LPCAT1: variants seen among roughly 807,000 people sequenced by gnomAD.
LPCAT1 encodes the protein lysophosphatidylcholine acyltransferase 1.
LPCAT1 carries 23 observed loss-of-function variants against 60.9 expected under a neutral mutation model. The ratio of observed to expected loss-of-function variants is 0.38; its 90% confidence interval spans 0.27 to 0.53. LPCAT1 has a LOEUF of 0.53. Ranked by LOEUF, LPCAT1 falls within the 20% of genes least tolerant of loss-of-function variation. The pLI is 0.82. For missense variants in LPCAT1, 622 were observed against 723.6 expected, an observed-to-expected ratio of 0.86 and a Z score of 1.61; for synonymous variants, 340 against 301.1, an observed-to-expected ratio of 1.13 and a Z score of -1.34.
At chr5:1,500,956 G>A (rs1735982005) in intron 2 of LPCAT1, among the ~76,000 whole-genome samples, 1 of 152,290 alleles carries the variant, frequency 6.6e-6, no homozygotes, top group East Asian at 1.9e-4. Flanking sequence ...CAGGAGGCCT[G>A]TGTCACTGTG....
At position 1,512,390 on chromosome 5, in the gene LPCAT1, T is replaced by C. The variant is rs577764172; in HGVS notation, c.136-10787A>G. 3.9e-5 allele frequency among the ~76,000 whole-genome samples: 6 copies of C among 152,282 alleles called. No individual in the cohort carries two copies. The South Asian group carries it at 1.2e-3, about 32-fold the overall frequency. On this transcript the variant is annotated intron_variant, in intron 1 of 13. Coordinates refer to ENST00000283415, the MANE Select transcript of LPCAT1 (RefSeq NM_024830.5). ...CCCCGGCCCAAGAGCAGTCCCACAC[T>C]AGAGCCTCCCTCTCACTATCCCTGA...
rs574859992 is a variant in LPCAT1 at position 1,521,082 on chromosome 5, C to T, written c.135+2628G>A. On this transcript the variant is annotated intron_variant, in intron 1 of 13. Coordinates refer to ENST00000283415, the MANE Select transcript of LPCAT1 (RefSeq NM_024830.5). The surrounding 1 kb of genome is among the most constrained non-coding windows in gnomAD (Gnocchi z 4.3). ...TAAGATCCTGTACCATACCATTTAC[C>T]GCTCTCTACTAAATCTATATCCTTG... Among the ~76,000 whole-genome samples, 113 of 152,128 alleles carry T rather than the reference C, an allele frequency of 7.4e-4. No individual in the cohort carries two copies. The highest frequency in any genetic ancestry group is 1.1e-3 in the Non-Finnish European group (76 of 67,992).
intron 12 of LPCAT1, 79 bp from the exon 13 acceptor site, chr5:1,466,969 C>G (rs1411980339): frequency 1.8e-5 from 24 of 1,343,530 alleles, no homozygotes; most frequent in Non-Finnish European, 2.3e-5. Flanking sequence ...ACCCCAGCGG[C>G]CCTGCCCCGC....
intron 3 of LPCAT1, among the ~76,000 whole-genome samples, 157 bp from the exon 4 acceptor site, chr5:1,490,015 G>A (rs761745170): frequency 1.3e-5 from 2 of 152,244 alleles, no homozygotes; most frequent in Non-Finnish European, 2.9e-5. Context: ...CCTGACTGAG[G>A]GAACGGGAAC....
intron 2 of LPCAT1, among the ~76,000 whole-genome samples, chr5:1,500,581 G>A (rs565722739): frequency 5.3e-5 from 8 of 152,196 alleles, no homozygotes; most frequent in Non-Finnish European, 8.8e-5. Flanking sequence ...ATGCAGTCTC[G>A]GAGGGCGGGG....
chr5:1,515,573 C>A (rs1736484178), intron 1 of LPCAT1, among the ~76,000 whole-genome samples: 1 of 151,936 alleles, frequency 6.6e-6, no homozygotes, highest in Admixed American at 6.6e-5. Flanking sequence ...ACCCCCTGGC[C>A]TGCCCTGTAT....
Position 1,496,297 on chromosome 5 carries a change from G to A in LPCAT1, c.279-1383C>T, listed in dbSNP as rs984644062. ...AACTGCTTGAACCCAAGGGGCGGAG[G>A]TTGCAGTGAGCCGAGATTGCGCCAC... On this transcript the variant is annotated intron_variant, in intron 2 of 13. Coordinates refer to ENST00000283415, the MANE Select transcript of LPCAT1 (RefSeq NM_024830.5). The surrounding 1 kb of genome is among the most constrained non-coding windows in gnomAD (Gnocchi z 4.7). Among the ~76,000 whole-genome samples the A allele has an allele frequency of 2.0e-5, 3 of 152,000 alleles. No homozygotes were observed. The highest frequency in any genetic ancestry group is 4.8e-5 in the African/African-American group (2 of 41,380).
At chr5:1,509,184 C>T (rs1189438253) in intron 1 of LPCAT1, among the ~76,000 whole-genome samples, 2 of 152,390 alleles carry the variant, frequency 1.3e-5, no homozygotes, top group Non-Finnish European at 2.9e-5. Flanking sequence ...GCCGCGAGGC[C>T]GCGTCATCCC....
At chr5:1,514,089 G>A (rs1230490441) in intron 1 of LPCAT1, among the ~76,000 whole-genome samples, 2 of 152,228 alleles carry the variant, frequency 1.3e-5, no homozygotes, top group African/African-American at 4.8e-5. Flanking sequence ...ATGAGAACGG[G>A]GCCAGATGGG....
At chr5:1,506,715 AAG>A (rs1398876989) in intron 1 of LPCAT1, among the ~76,000 whole-genome samples, 1 of 152,206 alleles carries the variant, frequency 6.6e-6, no homozygotes, top group Non-Finnish European at 1.5e-5. Context: ...CTTCTAAGGA[AAG>A]GGGGCTGGCA....
intron 2 of LPCAT1, among the ~76,000 whole-genome samples, chr5:1,498,225 T>A (rs16878933): frequency 0.056 from 8,458 of 152,292 alleles, 341 homozygotes; most frequent in East Asian, 0.19. Context: ...CTACTTCAAA[T>A]TCAGTTTCCT....
Position 1,494,918 on chromosome 5 carries a change from CA to C in LPCAT1, c.279-5del. ...CTTCAGCAGGAAGTCCACAACCCTG[CA>C]AAAGAGGGCGCTGCGTCACGCGGGC... On this transcript the variant is annotated splice_polypyrimidine_tract_variant and splice_region_variant and intron_variant, in intron 2 of 13. Transcript: ENST00000283415. 1 of 1,596,890 alleles carries C rather than the reference CA, an allele frequency of 6.3e-7. No individual in the cohort carries two copies. Among genetic ancestry groups the C allele is most frequent in the East Asian group, 2.3e-5 (1 of 43,960 alleles).
At position 1,466,784 on chromosome 5, in the gene LPCAT1, G is replaced by A. The variant is rs769575480; in HGVS notation, c.1385C>T (p.Ala462Val). The A allele has an allele frequency of 2.5e-6, 4 of 1,612,622 alleles. No individual in the cohort carries two copies. The East Asian group carries it at 6.7e-5, about 27-fold the overall frequency. ...CTTCCCCTTCTCCTCTTGGTCAATG[G>A]CTCGGAATAGGTCGGTCACGGTGAG... is the stretch of plus-strand genomic sequence containing the variant. ...AELTVTDLFR[A>V]IDQEEKGKIT... The change falls in exon 13 of 14, where the codon GCC becomes GTC. Residue 462 changes from alanine (A) to valine (V), a missense_variant. Coordinates refer to ENST00000283415, the MANE Select transcript of LPCAT1 (RefSeq NM_024830.5).
In LPCAT1 at chr5:1,521,431, GGAA is replaced by G; in HGVS notation, c.135+2276_135+2278del. ...CTACTGGACCCATTTCTTTCTTTGG[GGAA>G]GAAGGCTTTCTTGGCTTGAAAGACA... On this transcript the variant is annotated intron_variant, in intron 1 of 13. Transcript: ENST00000283415. This position sits in a 1 kb window ranked among gnomAD's most constrained non-coding sequence, Gnocchi z 4.3. 3.0e-6 allele frequency: 3 copies of G among 985,340 alleles called. No individual in the cohort carries two copies. The highest frequency in any genetic ancestry group is 9.4e-5 in the South Asian group (2 of 21,276). The allele number at this position is 985,340 out of a possible 1,614,324, so 61.0% of individuals were successfully genotyped here. A position where few individuals can be genotyped will look rare whatever the true frequency, so the allele number is the denominator to read the frequency against.
At chr5:1,473,843 C>T in intron 11 of LPCAT1, 114 bp downstream of exon 11, 1 of 1,358,626 alleles carries the variant, frequency 7.4e-7, no homozygotes, top group Admixed American at 2.5e-5. Flanking sequence ...GGTGGTTTTC[C>T]TTCTCTGCTT....
chr5:1,501,421 C>T (rs971923281), intron 2 of LPCAT1, 40 bp downstream of exon 2: 1 of 1,280,614 alleles, frequency 7.8e-7, no homozygotes, highest in African/African-American at 1.4e-5. Context: ...GGCCGCGTGA[C>T]CCCCCCCCAG....
chr5:1,493,466 C>T (rs1735664650), intron 3 of LPCAT1, among the ~76,000 whole-genome samples: 1 of 152,244 alleles, frequency 6.6e-6, no homozygotes. Flanking sequence ...TGAATGCTAA[C>T]GTTAGGTGCT....
In LPCAT1 at chr5:1,473,947, C is replaced by T. The variant is rs776907051; in HGVS notation, c.1179+10G>A. ...TGCCGACACCCCGCTCCGCAGGCGA[C>T]AGGCCCTACCTCGTCGAACAGTGAA... On this transcript the variant is annotated intron_variant, in intron 11 of 13. Transcript: ENST00000283415. The T allele has an allele frequency of 6.2e-7, 1 of 1,612,304 alleles. No individual in the cohort carries two copies. The highest frequency in any genetic ancestry group is 8.5e-7 in the Non-Finnish European group (1 of 1,178,764).
At chr5:1,499,690 C>T (rs1433228510) in intron 2 of LPCAT1, among the ~76,000 whole-genome samples, 1 of 152,222 alleles carries the variant, frequency 6.6e-6, no homozygotes, top group Non-Finnish European at 1.5e-5. Context: ...AACGTCCACC[C>T]ACTCAGCAGG....
Sources: gnomAD v4.1 joint callset for allele counts (sites outside exome capture counted in the v4.1 genomes callset) on GRCh38, gnomAD v4.1.1 for gene constraint, Gnocchi (gnomAD v3.1) non-coding constraint, MANE v1.5 for transcripts, NCBI Gene and HGNC (gene_info 2026-07-23, HGNC 2026-07-21) for gene names.